Variants in CD96 observed in about 807,000 individuals in gnomAD.
The protein encoded by CD96 is CD96 molecule.
In CD96, 70 loss-of-function variants were observed where a neutral mutation model predicts 71.3. The ratio of observed to expected loss-of-function variants is 0.98; its 90% CI spans 0.81 to 1.20. The LOEUF is 1.20. CD96 is among the 50% of genes most tolerant of loss of function. The pLI, the probability that CD96 is intolerant of heterozygous loss-of-function variation, is 0.00. For synonymous variants in CD96, 248 were observed against 233.0 expected, an observed-to-expected ratio of 1.06 and a Z score of -0.59; for missense variants, 742 against 677.5, an observed-to-expected ratio of 1.10 and a Z score of -1.06.
In CD96 at chr3:111,637,271, TG is replaced by T; in HGVS notation, c.1387+14del. On this transcript the variant is annotated intron_variant, in intron 11 of 13. Coordinates refer to ENST00000352690, the MANE Select transcript of CD96 (RefSeq NM_005816.5). The stretch of plus-strand genomic sequence containing the variant: ...GGCTCAACACTTCATGGTGAGTACT[TG>T]GGGAAGATTTAGGGACACTGAAGCT... 6.7e-7 allele frequency: 1 copy of T among 1,482,982 alleles called. No homozygotes were observed. Among genetic ancestry groups the T allele is most frequent in the Non-Finnish European group, 9.4e-7 (1 of 1,060,222 alleles). 91.9% of individuals were successfully genotyped at this position (1,482,982 alleles called of 1,614,324 possible).
chr3:111,585,371 TG>T lies in CD96; in HGVS notation c.802del (p.Val268Ter). 1 of 1,602,072 alleles carries T rather than the reference TG, an allele frequency of 6.2e-7. No individual in the cohort carries two copies. The highest frequency in any genetic ancestry group is 8.6e-7 in the Non-Finnish European group (1 of 1,169,210). ...GTGGAAAATAACTCCACGGATGTCT[TG>T]GTAGAGGTGAGTCACATAAAAGCCT... The part of the protein sequence containing the change: ...VIVENNSTDV[L>X]VERRFTCLLK... On this transcript the variant is annotated frameshift_variant, in exon 5 of 14. Transcript: ENST00000352690. LOFTEE classifies it high-confidence loss of function.
chr3:111,619,118 G>A (rs954145382), intron 8 of CD96, among the ~76,000 whole-genome samples: 5 of 152,158 alleles, frequency 3.3e-5, no homozygotes, highest in South Asian at 4.1e-4. Flanking sequence ...TAGGTTAAGA[G>A]ATTCAGTTCT....
chr3:111,606,683 C>A lies in CD96; in HGVS notation c.1088-17C>A. On this transcript the variant is annotated splice_polypyrimidine_tract_variant and intron_variant, in intron 7 of 13. Coordinates refer to ENST00000352690, the MANE Select transcript of CD96 (RefSeq NM_005816.5). ...ACAATATTTTGTTCATTATAAATCT[C>A]TTTCTAATCCTTTAAGGTTCTGAAA... 1.6e-6 allele frequency: 2 copies of A among 1,272,780 alleles called. No homozygotes were observed. The highest frequency in any genetic ancestry group is 1.2e-5 in the South Asian group (1 of 84,214). The allele number at this position is 1,272,780 out of a possible 1,614,324, so 78.8% of individuals were successfully genotyped here.
At chr3:111,631,554 G>A (rs1257651340) in intron 10 of CD96, among the ~76,000 whole-genome samples, 3 of 152,032 alleles carry the variant, frequency 2.0e-5, no homozygotes, top group South Asian at 2.1e-4. Flanking sequence ...TCATGAAAAT[G>A]CCCATACTGT....
At chr3:111,627,811 A>G (rs562104435) in intron 10 of CD96, among the ~76,000 whole-genome samples, 5 of 152,356 alleles carry the variant, frequency 3.3e-5, no homozygotes, top group African/African-American at 1.2e-4. Flanking sequence ...GCAGGTGGCC[A>G]TATTTGCTGT....
downstream of CD96, among the ~76,000 whole-genome samples, chr3:111,654,024 G>C (rs1940170016): frequency 6.6e-6 from 1 of 152,160 alleles, no homozygotes; most frequent in Non-Finnish European, 1.5e-5. Flanking sequence ...ATGTCTCAGA[G>C]GCTCTGAACA....
chr3:111,618,321 C>A (rs1036050689), intron 8 of CD96, among the ~76,000 whole-genome samples: 3 of 152,146 alleles, frequency 2.0e-5, no homozygotes, highest in Non-Finnish European at 4.4e-5. Flanking sequence ...TCAAGGATCC[C>A]GTGACAATTT....
chr3:111,596,067 CAAGAGAA>C (rs1297210153), intron 5 of CD96, among the ~76,000 whole-genome samples: 8 of 151,864 alleles, frequency 5.3e-5, no homozygotes, highest in Admixed American at 4.6e-4. Context: ...GAGGCTGAAG[CAAGAGAA>C]TTGCTTGAAC....
At chr3:111,580,820 A>G (rs1936431962) in intron 4 of CD96, among the ~76,000 whole-genome samples, 1 of 152,132 alleles carries the variant, frequency 6.6e-6, no homozygotes, top group South Asian at 2.1e-4. Flanking sequence ...CTCTTTTGCT[A>G]TCACCATTTG....
chr3:111,623,707 C>T (rs148894339), intron 8 of CD96, 47 bp from the exon 9 acceptor site: 109 of 1,178,914 alleles, frequency 9.2e-5, no homozygotes, highest in East Asian at 4.5e-4. Flanking sequence ...GTTAAACATA[C>T]GAATGTAAAT....
rs1939374379 is a variant in CD96, at chr3:111,637,256, T to A, written c.1382T>A (p.Leu461His). ...SSSPSGAGST[L>H]HDNVFTSTAR... The stretch of plus-strand genomic sequence containing the variant: ...TCCCCGTCAGGTGCAGGCTCAACAC[T>A]TCATGGTGAGTACTTGGGGAAGATT... The change falls in exon 11 of 14, where the codon CTT (leucine) becomes CAT (histidine). Residue 461 changes from leucine (L) to histidine (H), a missense_variant. By Grantham distance (99) the Leu-to-His change is moderately conservative. Transcript: ENST00000352690. 3 of 1,544,374 alleles carry A rather than the reference T, an allele frequency of 1.9e-6. No homozygotes were observed. Among genetic ancestry groups the A allele is most frequent in the Non-Finnish European group, 2.7e-6 (3 of 1,116,432 alleles).
intron 2 of CD96, among the ~76,000 whole-genome samples, chr3:111,562,994 A>T (rs182927896): frequency 2.9e-4 from 44 of 152,354 alleles, no homozygotes; most frequent in African/African-American, 1.0e-3. Context: ...GTCCAAGATC[A>T]AGCCATTGAC....
intron 10 of CD96, chr3:111,634,976 A>G (rs555873118): frequency 6.5e-6 from 1 of 153,278 alleles, no homozygotes; most frequent in African/African-American, 2.4e-5. Context: ...AAATTAGCCA[A>G]ATTTTCACAT....
chr3:111,633,184 A>T (rs555883466), intron 10 of CD96, among the ~76,000 whole-genome samples: 3 of 146,830 alleles, frequency 2.0e-5, no homozygotes, highest in East Asian at 2.0e-4. Context: ...GTCTCAGATT[A>T]AAAAAAAAAG....
intron 14 of CD96, among the ~76,000 whole-genome samples, chr3:111,657,560 G>T (rs185503625): frequency 1.9e-3 from 290 of 152,262 alleles, no homozygotes; most frequent in Non-Finnish European, 2.6e-3. Flanking sequence ...TTGGTAGTAA[G>T]ATTTTTTTAT....
intron 5 of CD96, among the ~76,000 whole-genome samples, chr3:111,585,671 G>C (rs1936680259): frequency 6.6e-6 from 1 of 152,210 alleles, no homozygotes; most frequent in South Asian, 2.1e-4. Context: ...CAGGTGGATA[G>C]TGAGGACAAA....
intron 1 of CD96, among the ~76,000 whole-genome samples, chr3:111,543,748 C>T (rs1277606516): frequency 6.9e-6 from 1 of 145,868 alleles, no homozygotes; most frequent in South Asian, 2.1e-4. Context: ...GCCCCCAGAC[C>T]CCCACATATT....
chr3:111,594,869 A>C (rs1367571697), intron 5 of CD96: 2 of 167,154 alleles, frequency 1.2e-5, no homozygotes, highest in African/African-American at 2.4e-5. Context: ...TAAAGTTCCC[A>C]ATGCAAGGTC....
chr3:111,543,079 G>A (rs992148763), intron 1 of CD96, among the ~76,000 whole-genome samples: 1 of 152,152 alleles, frequency 6.6e-6, no homozygotes. Flanking sequence ...ATAGCTCACA[G>A]GAAGTTACAT....
Sources: allele counts gnomAD v4.1 joint callset (sites outside exome capture counted in the v4.1 genomes callset), GRCh38; gene constraint gnomAD v4.1.1; transcripts MANE v1.5; gene names NCBI Gene and HGNC (gene_info 2026-07-23, HGNC 2026-07-21).